The following GPR89A variants were observed in gnomAD, a reference collection of about 807,000 sequenced individuals.
GPR89A encodes golgi pH regulator A, also known as G protein-coupled receptor 89A.
A neutral mutation model predicts 52.0 loss-of-function variants in GPR89A; 16 were observed. That is an observed-to-expected ratio of 0.31 (90% CI 0.21 to 0.47). The LOEUF is 0.47. Ranked by LOEUF, GPR89A falls within the 20% of genes least tolerant of loss-of-function variation. The probability of loss-of-function intolerance (pLI) is 1.00; values close to 1 mark genes in which losing one functional copy is unlikely to be tolerated. For synonymous variants in GPR89A, 55 were observed against 150.9 expected, an observed-to-expected ratio of 0.36 and a Z score of 4.66; for missense variants, 135 against 449.4, an observed-to-expected ratio of 0.30 and a Z score of 6.33.
Position 145,652,755 on chromosome 1 carries a change from T to C in GPR89A, c.909+5488T>C, listed in dbSNP as rs1651539685. 2.2e-5 allele frequency among the ~76,000 whole-genome samples: 3 copies of C among 134,250 alleles called. No homozygotes were observed. The Admixed American group carries it at 2.3e-4, about 10-fold the overall frequency. 88.1% of individuals were successfully genotyped at this position (134,250 alleles called of 152,430 possible). A position where few individuals can be genotyped will look rare whatever the true frequency, so the allele number is the denominator to read the frequency against. On this transcript the variant is annotated intron_variant, in intron 10 of 13. Coordinates refer to ENST00000313835, the MANE Select transcript of GPR89A (RefSeq NM_001097612.2). ...TGTCCAAGAATTTATCCATTTCTTC[T>C]AGATTTTCTAGTTGATTTGCATAGA... is the stretch of plus-strand genomic sequence containing the variant.
At chr1:145,616,025 C>T (rs1553686923) in intron 1 of GPR89A, among the ~76,000 whole-genome samples, 1 of 151,206 alleles carries the variant, frequency 6.6e-6, no homozygotes, top group Admixed American at 6.6e-5. Flanking sequence ...TACTCTGTAA[C>T]ATGGATAACT....
At chr1:145,609,547 CAG>C (rs1242826928) in intron 1 of GPR89A, among the ~76,000 whole-genome samples, 3 of 152,200 alleles carry the variant, frequency 2.0e-5, no homozygotes, top group Admixed American at 6.5e-5. Context: ...GGTGACAACT[CAG>C]GGTTATTTTT....
At chr1:145,640,901 A>G (rs1323692638) in intron 7 of GPR89A, among the ~76,000 whole-genome samples, 2 of 151,374 alleles carry the variant, frequency 1.3e-5, no homozygotes, top group Non-Finnish European at 2.9e-5. Context: ...ACATAACCAC[A>G]TGAAAAGGTG....
chr1:145,647,124 T>A (rs1651049003), intron 9 of GPR89A, 51 bp from the exon 10 acceptor site: 6 of 1,536,128 alleles, frequency 3.9e-6, no homozygotes, highest in Non-Finnish European at 5.3e-6. Flanking sequence ...TTGTGTTGAA[T>A]ATAAATTTAT....
chr1:145,643,965 A>T lies in GPR89A; in HGVS notation c.714A>T (p.Ala238=). 5 of 303,994 alleles carry T rather than the reference A, an allele frequency of 1.6e-5. No homozygotes were observed. The highest frequency in any genetic ancestry group is 2.7e-5 in the Non-Finnish European group (5 of 183,352). 18.8% of individuals were successfully genotyped at this position (303,994 alleles called of 1,614,324 possible). ...WGMIKSVTTS[A]SGSENLTLIQ... ...TGATAAAAAGTGTTACCACTTCAGC[A>T]TCAGGAAGTGAAAGTATCCTTTGTC... The change falls in exon 8 of 14, where the codon GCA becomes GCT. Residue 238 remains alanine, a synonymous_variant. Coordinates refer to ENST00000313835, the MANE Select transcript of GPR89A (RefSeq NM_001097612.2).
At chr1:145,650,098 C>T (rs1359839976) in intron 10 of GPR89A, among the ~76,000 whole-genome samples, 3 of 151,912 alleles carry the variant, frequency 2.0e-5, no homozygotes, top group Non-Finnish European at 2.9e-5. Flanking sequence ...GGTATTAAGC[C>T]CAGCATCCAT....
chr1:145,650,985 C>G (rs1490335194), intron 10 of GPR89A, among the ~76,000 whole-genome samples: 5 of 151,230 alleles, frequency 3.3e-5, no homozygotes, highest in African/African-American at 1.2e-4. Context: ...TGTGCAGAAG[C>G]TCTTTAGTTT....
At chr1:145,625,227 A>G (rs1429311277) in intron 5 of GPR89A, among the ~76,000 whole-genome samples, 1 of 151,390 alleles carries the variant, frequency 6.6e-6, no homozygotes, top group Admixed American at 6.6e-5. Flanking sequence ...ACTTAACATA[A>G]CACCAGCCTG....
rs782138954 is a variant in GPR89A, at chr1:145,646,296, G to A, written c.816+24G>A. The A allele has an allele frequency of 1.1e-5, 18 of 1,571,328 alleles. No individual in the cohort carries two copies. The African/African-American group carries it at 2.5e-4, about 22-fold the overall frequency. Reference sequence around the variant, plus strand: ...AGGTACAGAGCAAGGAAACTGAAGTGTGGTTTTTACCAATATTATTAAAGA... The same window carrying A: ...AGGTACAGAGCAAGGAAACTGAAGTATGGTTTTTACCAATATTATTAAAGA... On this transcript the variant is annotated intron_variant, in intron 9 of 13. Coordinates refer to ENST00000313835, the MANE Select transcript of GPR89A (RefSeq NM_001097612.2).
At chr1:145,637,087 GTC>G (rs1650295043) in intron 7 of GPR89A, among the ~76,000 whole-genome samples, 2 of 152,160 alleles carry the variant, frequency 1.3e-5, no homozygotes, top group South Asian at 4.1e-4. Context: ...CTGGAAGAGA[GTC>G]TATGCTTGAT....
chr1:145,611,435 CAT>C (rs1553686123), intron 1 of GPR89A: 2 of 151,210 alleles, frequency 1.3e-5, no homozygotes, highest in Non-Finnish European at 2.9e-5. Context: ...GAAGTGAGAA[CAT>C]GTGGTATTTG....
chr1:145,654,059 A>G (rs1553694089), intron 10 of GPR89A, among the ~76,000 whole-genome samples: 1 of 152,138 alleles, frequency 6.6e-6, no homozygotes, highest in African/African-American at 2.4e-5. Flanking sequence ...TCATAGTGTC[A>G]TTGCTTTGTG....
At chr1:145,647,103 G>C in intron 9 of GPR89A, 72 bp from the exon 10 acceptor site, 1 of 1,527,870 alleles carries the variant, frequency 6.5e-7, no homozygotes, top group South Asian at 1.2e-5. Flanking sequence ...GATTCATAGA[G>C]GGAAGAATAC....
At chr1:145,669,036 T>C (rs1553696970) in intron 12 of GPR89A, among the ~76,000 whole-genome samples, 1 of 152,000 alleles carries the variant, frequency 6.6e-6, no homozygotes, top group Non-Finnish European at 1.5e-5. Flanking sequence ...TTTTTTGTTG[T>C]GTCTCTGCCA....
intron 10 of GPR89A, among the ~76,000 whole-genome samples, chr1:145,650,379 C>G (rs1651367108): frequency 6.6e-6 from 1 of 151,698 alleles, no homozygotes; most frequent in African/African-American, 2.4e-5. Flanking sequence ...TTTATCCGGT[C>G]TATCATTGAT....
chr1:145,610,990 T>C lies in GPR89A; in HGVS notation c.42+2815T>C, dbSNP rs187739660. 1.6e-3 allele frequency among the ~76,000 whole-genome samples: 236 copies of C among 152,104 alleles called. 2 individuals are homozygous for C. Among genetic ancestry groups the C allele is most frequent in the African/African-American group, 5.6e-3 (232 of 41,522 alleles). On this transcript the variant is annotated intron_variant, in intron 1 of 13. Transcript: ENST00000313835. The stretch of plus-strand genomic sequence containing the variant: ...CACTCTTAAGTCCTAAGGTCAAGAC[T>C]CTGTACAATTCTGAAAGTATCAAGT...
Position 145,629,340 on chromosome 1 carries a change from G to C in GPR89A, c.416-1347G>C, listed in dbSNP as rs587746492. Among the ~76,000 whole-genome samples, 4 of 152,228 alleles carry C rather than the reference G, an allele frequency of 2.6e-5. 1 individual carries two copies. In the East Asian group the frequency reaches 7.7e-4, roughly 29 times the overall value. ...CAAAGATTGGAAAATGTTGAATTTTGCAACCAGGAGAAAATTCATGACCAT... is the reference window on the plus strand; with the variant it reads ...CAAAGATTGGAAAATGTTGAATTTTCCAACCAGGAGAAAATTCATGACCAT... On this transcript the variant is annotated intron_variant, in intron 5 of 13. Coordinates refer to ENST00000313835, the MANE Select transcript of GPR89A (RefSeq NM_001097612.2).
At chr1:145,648,524 A>G (rs1318298061) in intron 10 of GPR89A, among the ~76,000 whole-genome samples, 2 of 149,638 alleles carry the variant, frequency 1.3e-5, no homozygotes, top group Admixed American at 1.3e-4. Context: ...CTGTCACCCA[A>G]GCTGTAGTAC....
chr1:145,615,809 G>A (rs1286993336), intron 1 of GPR89A, among the ~76,000 whole-genome samples: 5 of 151,908 alleles, frequency 3.3e-5, no homozygotes, highest in African/African-American at 1.2e-4. Flanking sequence ...CAGTAGAGAC[G>A]GAGCTTTGCC....
Sources: gnomAD v4.1 joint callset for allele counts (sites outside exome capture counted in the v4.1 genomes callset) on GRCh38, gnomAD v4.1.1 for gene constraint, MANE v1.5 for transcripts, NCBI Gene and HGNC (gene_info 2026-07-23, HGNC 2026-07-21) for gene names.